PARD3B: variants seen among roughly 807,000 people sequenced by gnomAD.
PARD3B encodes partitioning defective 3 homolog B.
A neutral mutation model predicts 130.2 loss-of-function variants in PARD3B; 103 were observed. That is an observed-to-expected ratio of 0.79 (90% CI 0.67 to 0.93). PARD3B has a LOEUF of 0.93. Ranked by LOEUF, PARD3B falls within the 40% of genes least tolerant of loss-of-function variation. The pLI is 0.00. For missense variants in PARD3B, 1,609 were observed against 1,499.2 expected, an observed-to-expected ratio of 1.07 and a Z score of -1.21; for synonymous variants, 583 against 553.2, an observed-to-expected ratio of 1.05 and a Z score of -0.76.
In PARD3B at chr2:204,607,070, A is replaced by G. The variant is rs143521045; in HGVS notation, c.120+60951A>G. On this transcript the variant is annotated intron_variant, in intron 1 of 22. Transcript: ENST00000406610. ...CCAGAATTACCACTGAGGGACTGCA[A>G]AATAGAATCCTTGGCATAGTCACTA... Among the ~76,000 whole-genome samples, 7 of 152,274 alleles carry G rather than the reference A, an allele frequency of 4.6e-5. No homozygotes were observed. In the East Asian group the frequency reaches 1.2e-3, roughly 25 times the overall value.
intron 16 of PARD3B, among the ~76,000 whole-genome samples, chr2:205,279,473 G>A (rs1320411098): frequency 6.6e-6 from 1 of 152,034 alleles, no homozygotes; most frequent in African/African-American, 2.4e-5. Context: ...TGTTAATTAT[G>A]TACATTTGCC....
intron 10 of PARD3B, among the ~76,000 whole-genome samples, chr2:205,153,237 G>C (rs191433259): frequency 1.3e-5 from 2 of 152,134 alleles, no homozygotes; most frequent in East Asian, 3.9e-4. Context: ...TGGGGGTCAG[G>C]GACCCACTTG....
In PARD3B at chr2:204,853,113, A is replaced by G. The variant is rs1285813858; in HGVS notation, c.223-112039A>G. Among the ~76,000 whole-genome samples the G allele has an allele frequency of 4.0e-5, 6 of 151,214 alleles. No individual in the cohort carries two copies. The South Asian group carries it at 8.3e-4, about 21-fold the overall frequency. The stretch of plus-strand genomic sequence containing the variant: ...TTAATATTCTATTTTCCTTATAACT[A>G]TTTTTTTAATGATTATCACCATGGG... On this transcript the variant is annotated intron_variant, in intron 2 of 22. Transcript: ENST00000406610.
chr2:205,336,677 T>G (rs1347466592), intron 18 of PARD3B, among the ~76,000 whole-genome samples: 1 of 152,210 alleles, frequency 6.6e-6, no homozygotes. Flanking sequence ...GCCCTATTCC[T>G]TGCTCTTAAG....
intron 18 of PARD3B, among the ~76,000 whole-genome samples, chr2:205,388,403 A>G (rs1010720917): frequency 6.6e-6 from 1 of 152,184 alleles, no homozygotes; most frequent in Admixed American, 6.5e-5. Context: ...TAGACAAGCA[A>G]ATAGGAGGCT....
chr2:204,613,279 C>G lies in PARD3B; in HGVS notation c.120+67160C>G, dbSNP rs972238590. On this transcript the variant is annotated intron_variant, in intron 1 of 22. Transcript: ENST00000406610. Reference sequence around the variant, plus strand: ...CTTTCAGAATTTTGAAGGCAGTATGCTATTATTTTCAGTTTTCAGTATTAT... The same window carrying G: ...CTTTCAGAATTTTGAAGGCAGTATGGTATTATTTTCAGTTTTCAGTATTAT... Among the ~76,000 whole-genome samples the G allele has an allele frequency of 2.6e-4, 39 of 152,056 alleles. 1 individual carries two copies. Among genetic ancestry groups the G allele is most frequent in the African/African-American group, 9.4e-4 (39 of 41,402 alleles).
chr2:205,529,879 A>G (rs751072272), intron 21 of PARD3B, among the ~76,000 whole-genome samples: 1 of 152,206 alleles, frequency 6.6e-6, no homozygotes, highest in African/African-American at 2.4e-5. Context: ...GCGCCTTTTT[A>G]GAGTCAGCTC....
chr2:204,766,881 G>T (rs985491149), intron 2 of PARD3B, among the ~76,000 whole-genome samples: 3 of 149,650 alleles, frequency 2.0e-5, no homozygotes, highest in Non-Finnish European at 4.4e-5. Flanking sequence ...ATCCAGATTC[G>T]GTTTAGAAAT....
intron 3 of PARD3B, among the ~76,000 whole-genome samples, chr2:205,040,286 T>A (rs1224343097): frequency 6.6e-6 from 1 of 152,174 alleles, no homozygotes; most frequent in Non-Finnish European, 1.5e-5. Context: ...ATTGGCTATC[T>A]AAATTAGAAA....
chr2:205,619,201 T>C lies in PARD3B; in HGVS notation c.*3388T>C, dbSNP rs535760527. The stretch of plus-strand genomic sequence containing the variant: ...CTTCTGAAGAAAAGCCACCTAACAA[T>C]GTTAGGAGGCTCATAAAGCTCATTT... On this transcript the variant is annotated 3_prime_UTR_variant, in exon 23 of 23. Transcript: ENST00000406610. 1.3e-5 allele frequency: 2 copies of C among 152,298 alleles called. No homozygotes were observed. The highest frequency in any genetic ancestry group is 4.8e-5 in the African/African-American group (2 of 41,568). The allele number at this position is 152,298 out of a possible 1,614,324, so 9.4% of individuals were successfully genotyped here.
chr2:204,777,856 A>G (rs1439318889), intron 2 of PARD3B, among the ~76,000 whole-genome samples: 3 of 152,070 alleles, frequency 2.0e-5, no homozygotes, highest in Non-Finnish European at 1.5e-5. Flanking sequence ...CCACATGTCG[A>G]GAGAGGGAGG....
At position 204,852,629 on chromosome 2, in the gene PARD3B, G is replaced by A. The variant is rs142118204; in HGVS notation, c.223-112523G>A. ...AGTATATTTCTCAAGAGGCTGAGGC[G>A]TTGTGCCTTTGGTCTCAGTCTTAAT... On this transcript the variant is annotated intron_variant, in intron 2 of 22. Coordinates refer to ENST00000406610, the MANE Select transcript of PARD3B (RefSeq NM_001302769.2). Among the ~76,000 whole-genome samples the A allele has an allele frequency of 6.4e-3, 965 of 150,682 alleles. 8 individuals are homozygous for A. The highest frequency in any genetic ancestry group is 0.022 in the African/African-American group (899 of 40,026).
intron 4 of PARD3B, among the ~76,000 whole-genome samples, chr2:205,056,976 A>G (rs563183148): frequency 3.3e-5 from 5 of 150,028 alleles, no homozygotes; most frequent in African/African-American, 1.2e-4. Context: ...AAAGGCATCA[A>G]AGCGATTGAT....
chr2:205,561,756 G>A (rs906880627), intron 22 of PARD3B, among the ~76,000 whole-genome samples: 1 of 152,192 alleles, frequency 6.6e-6, no homozygotes, highest in Admixed American at 6.5e-5. Context: ...TTGCTGCTCT[G>A]ACTTTGCAGG....
rs113814244 is a variant in PARD3B at position 205,217,834 on chromosome 2, A to G, written c.2140+24514A>G. 1.4e-3 allele frequency among the ~76,000 whole-genome samples: 127 copies of G among 91,456 alleles called. 1 individual carries two copies. In the East Asian group the frequency reaches 0.04, roughly 29 times the overall value. 60.0% of individuals were successfully genotyped at this position (91,456 alleles called of 152,430 possible). ...TATATATGTATATGTGTGTGTATATATGTGTGTATATGTGTGTGTGTGTGT... is the reference window on the plus strand; with the variant it reads ...TATATATGTATATGTGTGTGTATATGTGTGTGTATATGTGTGTGTGTGTGT... On this transcript the variant is annotated intron_variant, in intron 15 of 22. Transcript: ENST00000406610.
chr2:204,631,524 G>A (rs1317286031), intron 1 of PARD3B, among the ~76,000 whole-genome samples: 2 of 152,204 alleles, frequency 1.3e-5, no homozygotes, highest in East Asian at 3.8e-4. Context: ...CGGGATTACA[G>A]GCATGAGCCA....
intron 3 of PARD3B, among the ~76,000 whole-genome samples, chr2:204,981,267 A>G (rs1386602898): frequency 6.6e-6 from 1 of 152,232 alleles, no homozygotes; most frequent in South Asian, 2.1e-4. Context: ...CACTGAAAAA[A>G]AAATAGAACA....
In PARD3B at chr2:204,604,548, T is replaced by A. The variant is rs188969548; in HGVS notation, c.120+58429T>A. ...CTGAAACACGCTGAGATTAAAAAAA[T>A]TTATGTAGGTTTTGAACTTCTAAAA... On this transcript the variant is annotated intron_variant, in intron 1 of 22. Transcript: ENST00000406610. Among the ~76,000 whole-genome samples, 24 of 152,258 alleles carry A rather than the reference T, an allele frequency of 1.6e-4. No individual in the cohort carries two copies. The East Asian group carries it at 3.9e-3, about 24-fold the overall frequency.
chr2:205,392,538 T>G (rs981948162), intron 18 of PARD3B, among the ~76,000 whole-genome samples: 1 of 152,176 alleles, frequency 6.6e-6, no homozygotes, highest in Non-Finnish European at 1.5e-5. Flanking sequence ...AAATAACATA[T>G]CAAAATTTAA....
Sources: gnomAD v4.1 joint callset for allele counts (sites outside exome capture counted in the v4.1 genomes callset) on GRCh38, gnomAD v4.1.1 for gene constraint, MANE v1.5 for transcripts, NCBI Gene and HGNC (gene_info 2026-07-23, HGNC 2026-07-21) for gene names.